The following SFMBT2 variants were observed in gnomAD, a reference collection of about 807,000 sequenced individuals.
The protein encoded by SFMBT2 is Scm like with four mbt domains 2, also known as scm-like with four MBT domains protein 2.
A neutral mutation model predicts 110.1 loss-of-function variants in SFMBT2; 38 were observed. The observed-to-expected ratio is 0.35, with a 90% CI of 0.27 to 0.45. SFMBT2 has a LOEUF of 0.45. SFMBT2 is among the 20% of genes least tolerant of loss of function. The probability of loss-of-function intolerance (pLI) is 1.00; values close to 1 mark genes in which losing one functional copy is unlikely to be tolerated. For synonymous variants in SFMBT2, 425 were observed against 425.4 expected (o/e 1.00, Z 0.01); for missense variants, 1,011 against 1,094.9 (o/e 0.92, Z 1.08).
At chr10:7,333,567 T>C (rs879148512) in intron 4 of SFMBT2, among the ~76,000 whole-genome samples, 7 of 151,984 alleles carry the variant, frequency 4.6e-5, no homozygotes, top group Non-Finnish European at 8.8e-5. Flanking sequence ...TAATTTTTTT[T>C]TTTTTGGTAG....
intron 4 of SFMBT2, among the ~76,000 whole-genome samples, chr10:7,362,591 CATTCT>C (rs1300298512): frequency 6.6e-6 from 1 of 152,236 alleles, no homozygotes; most frequent in Non-Finnish European, 1.5e-5. Context: ...CAAGGAAAGG[CATTCT>C]CTCCCTTCCC....
intron 4 of SFMBT2, among the ~76,000 whole-genome samples, chr10:7,353,147 T>C (rs1844380499): frequency 6.6e-6 from 1 of 152,156 alleles, no homozygotes; most frequent in African/African-American, 2.4e-5. Flanking sequence ...CCAGTGTGCT[T>C]CAATATAAAA....
At chr10:7,227,500 T>C (rs150570222) in intron 10 of SFMBT2, among the ~76,000 whole-genome samples, 7 of 152,332 alleles carry the variant, frequency 4.6e-5, no homozygotes, top group Admixed American at 1.3e-4. Flanking sequence ...TATTTAGAAC[T>C]AGTGATACCT....
chr10:7,383,590 C>T (rs928485915), intron 1 of SFMBT2, among the ~76,000 whole-genome samples: 16 of 152,140 alleles, frequency 1.1e-4, no homozygotes, highest in Admixed American at 1.3e-4. Context: ...ATACCTGTTT[C>T]GGAGAATGAA....
chr10:7,380,543 G>A (rs1325500661), intron 2 of SFMBT2, among the ~76,000 whole-genome samples: 1 of 152,172 alleles, frequency 6.6e-6, no homozygotes, highest in African/African-American at 2.4e-5. Context: ...CAAGTGACCT[G>A]CTAACTTAAT....
chr10:7,172,684 CT>C lies in SFMBT2; in HGVS notation c.1985-24del. 1.9e-6 allele frequency: 3 copies of C among 1,603,808 alleles called. No individual in the cohort carries two copies. Among genetic ancestry groups the C allele is most frequent in the Non-Finnish European group, 2.6e-6 (3 of 1,173,932 alleles). ...AGGCTGTAGGAAGGAAGATGAGAAA[CT>C]TTTGAAGGCTATACACACACACAGA... On this transcript the variant is annotated intron_variant, in intron 17 of 20. Transcript: ENST00000397167. This position sits in a 1 kb window ranked among gnomAD's most constrained non-coding sequence, Gnocchi z 4.6.
At chr10:7,400,571 C>T (rs112828419) in intron 1 of SFMBT2, among the ~76,000 whole-genome samples, 73 of 152,346 alleles carry the variant, frequency 4.8e-4, no homozygotes, top group African/African-American at 1.7e-3. Context: ...CACCTAAAGG[C>T]AGGGGGCACA....
At chr10:7,178,124 G>T (rs1040707001) in intron 16 of SFMBT2, among the ~76,000 whole-genome samples, 2 of 152,154 alleles carry the variant, frequency 1.3e-5, no homozygotes, top group Non-Finnish European at 2.9e-5. Flanking sequence ...TCATTCCTCC[G>T]GTGGTGGGGG....
At chr10:7,261,598 C>A (rs1190307960) in intron 7 of SFMBT2, among the ~76,000 whole-genome samples, 1 of 152,172 alleles carries the variant, frequency 6.6e-6, no homozygotes, top group Non-Finnish European at 1.5e-5. Context: ...CAGATGCCGG[C>A]AGGGAAAAGA....
intron 4 of SFMBT2, among the ~76,000 whole-genome samples, chr10:7,321,683 C>T (rs1843194697): frequency 6.6e-6 from 1 of 152,120 alleles, no homozygotes; most frequent in African/African-American, 2.4e-5. Context: ...GTCAAAATGT[C>T]CCATTAATAC....
chr10:7,262,051 CCTTATTACATGGGGTCCT>C (rs1389418135), intron 7 of SFMBT2, among the ~76,000 whole-genome samples: 2 of 152,256 alleles, frequency 1.3e-5, no homozygotes, highest in African/African-American at 4.8e-5. Flanking sequence ...ACTGGGCTCC[CCTTATTACATGGGGTCCT>C]CATTTTCCAT....
intron 4 of SFMBT2, among the ~76,000 whole-genome samples, chr10:7,321,205 T>TG (rs1347101103): frequency 1.3e-5 from 2 of 150,140 alleles, no homozygotes; most frequent in Non-Finnish European, 3.0e-5. Context: ...AGCATCCTTT[T>TG]TTTTTTTTTT....
chr10:7,263,987 T>C (rs564169808), intron 7 of SFMBT2: 1 of 223,524 alleles, frequency 4.5e-6, no homozygotes, highest in African/African-American at 2.3e-5. Flanking sequence ...CACTGACAGG[T>C]ACATCATTGA....
At chr10:7,316,750 G>A (rs374064003) in intron 4 of SFMBT2, among the ~76,000 whole-genome samples, 10 of 152,104 alleles carry the variant, frequency 6.6e-5, no homozygotes, top group African/African-American at 2.2e-4. Context: ...TAGCATGCCT[G>A]CTCACTTCGA....
chr10:7,226,997 A>G (rs1839917343), intron 10 of SFMBT2, among the ~76,000 whole-genome samples: 1 of 152,182 alleles, frequency 6.6e-6, no homozygotes, highest in Admixed American at 6.5e-5. Flanking sequence ...GCAATGCATG[A>G]CTGTAGTTTA....
chr10:7,194,001 G>A (rs567762703), intron 15 of SFMBT2, among the ~76,000 whole-genome samples: 4 of 152,278 alleles, frequency 2.6e-5, no homozygotes, highest in East Asian at 3.9e-4. Flanking sequence ...GCATGGACAC[G>A]TGACTTAGGA....
intron 2 of SFMBT2, among the ~76,000 whole-genome samples, chr10:7,376,615 C>T (rs74633534): frequency 0.012 from 1,638 of 137,650 alleles, 30 homozygotes; most frequent in African/African-American, 0.041. Flanking sequence ...AGGAGAATGG[C>T]GTGAACCCGA....
chr10:7,216,667 A>C (rs1385028829), intron 11 of SFMBT2, among the ~76,000 whole-genome samples: 1 of 152,160 alleles, frequency 6.6e-6, no homozygotes, highest in Non-Finnish European at 1.5e-5. Context: ...TCGTTTAAGC[A>C]AAGTTTGTGG....
Position 7,171,879 on chromosome 10 carries a change from C to A in SFMBT2, c.2415+16G>T, listed in dbSNP as rs1204085500. 3.0e-5 allele frequency: 43 copies of A among 1,410,082 alleles called. No individual in the cohort carries two copies. Among genetic ancestry groups the A allele is most frequent in the Non-Finnish European group, 4.0e-5 (43 of 1,084,990 alleles). The allele number at this position is 1,410,082 out of a possible 1,614,324, so 87.3% of individuals were successfully genotyped here. ...GACCCAGCGGGAAGCCCTCTGTCCC[C>A]ACGCCCGGGCATCACCTCTGTCCCC... On this transcript the variant is annotated intron_variant, in intron 19 of 20. Transcript: ENST00000397167. The surrounding 1 kb of genome is among the most constrained non-coding windows in gnomAD (Gnocchi z 4.9).
Sources: allele counts gnomAD v4.1 joint callset (sites outside exome capture counted in the v4.1 genomes callset), GRCh38; gene constraint gnomAD v4.1.1; non-coding constraint Gnocchi (gnomAD v3.1); transcripts MANE v1.5; gene names NCBI Gene and HGNC (gene_info 2026-07-23, HGNC 2026-07-21).